Variants in MTUS2 observed in about 807,000 individuals in gnomAD.
MTUS2 encodes microtubule associated scaffold protein 2.
MTUS2 carries 40 observed loss-of-function variants against 114.1 expected under a neutral mutation model. That is an observed-to-expected ratio of 0.35 (90% CI 0.27 to 0.46). The LOEUF (loss-of-function observed/expected upper bound fraction) is 0.46. Ranked by LOEUF, MTUS2 falls within the 20% of genes least tolerant of loss-of-function variation. The pLI is 1.00. For synonymous variants in MTUS2, 688 were observed against 672.0 expected, an observed-to-expected ratio of 1.02 and a Z score of -0.37; for missense variants, 1,679 against 1,705.4, an observed-to-expected ratio of 0.98 and a Z score of 0.27.
chr13:28,825,448 G>A (rs997257793), intron 1 of MTUS2, among the ~76,000 whole-genome samples: 1 of 152,172 alleles, frequency 6.6e-6, no homozygotes, highest in African/African-American at 2.4e-5. Context: ...TTTGAACTGA[G>A]CCTAGAGAGA....
intron 2 of MTUS2, among the ~76,000 whole-genome samples, chr13:29,010,147 G>A (rs1431813889): frequency 1.3e-5 from 2 of 149,566 alleles, no homozygotes; most frequent in African/African-American, 2.5e-5. Context: ...GGAGGTGGAA[G>A]TTGCAGTGAG....
intron 8 of MTUS2, among the ~76,000 whole-genome samples, chr13:29,408,537 T>G (rs1251851761): frequency 1.3e-5 from 2 of 152,154 alleles, no homozygotes; most frequent in Non-Finnish European, 2.9e-5. Context: ...AGGCTGGTCT[T>G]GAACCCCTGA....
intron 5 of MTUS2, among the ~76,000 whole-genome samples, chr13:29,222,259 C>T (rs1487012947): frequency 1.3e-5 from 2 of 151,620 alleles, no homozygotes; most frequent in African/African-American, 4.9e-5. Context: ...CTATTGTAGT[C>T]TGTCTGTTTA....
intron 5 of MTUS2, among the ~76,000 whole-genome samples, chr13:29,223,766 A>T (rs1195573756): frequency 6.6e-6 from 1 of 152,190 alleles, no homozygotes; most frequent in Non-Finnish European, 1.5e-5. Flanking sequence ...AGGAGAGAGG[A>T]TCTGTGGCCC....
intron 2 of MTUS2, among the ~76,000 whole-genome samples, chr13:28,935,777 CAG>C (rs998434175): frequency 3.3e-5 from 5 of 151,700 alleles, no homozygotes; most frequent in African/African-American, 1.2e-4. Flanking sequence ...TTTTAAGAGA[CAG>C]AGTCTGTCTG....
intron 4 of MTUS2, among the ~76,000 whole-genome samples, chr13:29,090,760 TG>T (rs1889907740): frequency 6.6e-6 from 1 of 152,242 alleles, no homozygotes; most frequent in South Asian, 2.1e-4. Context: ...TGGTAGCTAA[TG>T]AAGGCTAAAG....
chr13:29,162,509 C>CCTTTTAAGGGTA (rs1247329123), intron 5 of MTUS2, among the ~76,000 whole-genome samples: 1 of 151,938 alleles, frequency 6.6e-6, no homozygotes, highest in Non-Finnish European at 1.5e-5. Flanking sequence ...ACAATGACAC[C>CCTTTTAAGGGTA]CTTTTAAGGG....
intron 8 of MTUS2, among the ~76,000 whole-genome samples, chr13:29,433,661 A>T (rs960899646): frequency 3.3e-5 from 5 of 152,326 alleles, no homozygotes; most frequent in African/African-American, 1.2e-4. Flanking sequence ...TGGTATGAAA[A>T]CAACTCAGAT....
At chr13:28,826,852 T>A (rs1874304051) in intron 1 of MTUS2, among the ~76,000 whole-genome samples, 1 of 152,238 alleles carries the variant, frequency 6.6e-6, no homozygotes, top group African/African-American at 2.4e-5. Context: ...TAGGGAAGTT[T>A]ATTTTCCACA....
intron 9 of MTUS2, among the ~76,000 whole-genome samples, chr13:29,452,064 A>G (rs1346245786): frequency 1.3e-5 from 2 of 152,184 alleles, no homozygotes; most frequent in African/African-American, 4.8e-5. Flanking sequence ...CCGTGATTAG[A>G]TTTTATGCCA....
intron 9 of MTUS2, among the ~76,000 whole-genome samples, chr13:29,447,337 C>T (rs1215185202): frequency 6.8e-6 from 1 of 147,798 alleles, no homozygotes; most frequent in Non-Finnish European, 1.5e-5. Flanking sequence ...ATAGCAGTTG[C>T]AGCAGTTTCT....
At chr13:29,113,748 A>G (rs1211571504) in intron 5 of MTUS2, among the ~76,000 whole-genome samples, 2 of 151,946 alleles carry the variant, frequency 1.3e-5, no homozygotes, top group Non-Finnish European at 2.9e-5. Flanking sequence ...TTCTTCCTTC[A>G]TGTGGAGCTG....
At position 29,292,342 on chromosome 13, in the gene MTUS2, G is replaced by C. The variant is rs116013170; in HGVS notation, c.2806+10477G>C. ...ATAGAATGTACCCTGGAAGTACTTG[G>C]GCTGTTTCCTTTAACCTAGATTTCT... is the stretch of plus-strand genomic sequence containing the variant. On this transcript the variant is annotated intron_variant, in intron 6 of 15. Transcript: ENST00000612955. Among the ~76,000 whole-genome samples the C allele has an allele frequency of 4.8e-3, 735 of 152,242 alleles. 5 individuals carry two copies. Among genetic ancestry groups the C allele is most frequent in the African/African-American group, 0.016 (674 of 41,542 alleles).
At chr13:29,366,154 T>G (rs1446546954) in intron 8 of MTUS2, among the ~76,000 whole-genome samples, 6 of 152,154 alleles carry the variant, frequency 3.9e-5, no homozygotes, top group Non-Finnish European at 8.8e-5. Context: ...AAAGACATAC[T>G]TGAGACTGGG....
chr13:29,409,046 A>G (rs1053442562), intron 8 of MTUS2, among the ~76,000 whole-genome samples: 1 of 152,222 alleles, frequency 6.6e-6, no homozygotes, highest in Non-Finnish European at 1.5e-5. Context: ...ATAGCTGGGC[A>G]TGGTGGCTCA....
chr13:29,224,537 A>G (rs1896032766), intron 5 of MTUS2, among the ~76,000 whole-genome samples: 1 of 151,590 alleles, frequency 6.6e-6, no homozygotes, highest in Admixed American at 6.6e-5. Context: ...TCCTATATCT[A>G]TATGTTGTTT....
At chr13:28,855,150 G>A (rs1324864788) in intron 2 of MTUS2, among the ~76,000 whole-genome samples, 1 of 151,590 alleles carries the variant, frequency 6.6e-6, no homozygotes, top group Non-Finnish European at 1.5e-5. Flanking sequence ...AGTTTTTATT[G>A]ATATGCCGAT....
At chr13:28,890,289 C>G (rs1488255408) in intron 2 of MTUS2, among the ~76,000 whole-genome samples, 1 of 152,134 alleles carries the variant, frequency 6.6e-6, no homozygotes, top group East Asian at 1.9e-4. Flanking sequence ...TAAGAACTAC[C>G]ATTATTAGTT....
intron 4 of MTUS2, among the ~76,000 whole-genome samples, chr13:29,064,687 C>T (rs1435319720): frequency 6.6e-6 from 1 of 152,056 alleles, no homozygotes; most frequent in African/African-American, 2.4e-5. Context: ...TATAGGTTAG[C>T]ATGTGACAGG....
Sources: allele counts gnomAD v4.1 joint callset (sites outside exome capture counted in the v4.1 genomes callset), GRCh38; gene constraint gnomAD v4.1.1; transcripts MANE v1.5; gene names NCBI Gene and HGNC (gene_info 2026-07-23, HGNC 2026-07-21).